The following ABRAXAS1 variants were observed in gnomAD, a reference collection of about 807,000 sequenced individuals.
ABRAXAS1 encodes abraxas 1, BRCA1 A complex subunit, also known as BRCA1-A complex subunit Abraxas 1.
ABRAXAS1 carries 26 observed loss-of-function variants against 38.4 expected under a neutral mutation model. That is an observed-to-expected ratio of 0.68 (90% CI 0.50 to 0.94). The LOEUF is 0.94. Ranked by LOEUF, ABRAXAS1 falls within the 40% of genes least tolerant of loss-of-function variation. The pLI, the probability that ABRAXAS1 is intolerant of heterozygous loss-of-function variation, is 0.00. For missense variants in ABRAXAS1, 438 were observed against 481.9 expected, an observed-to-expected ratio of 0.91 and a Z score of 0.85; for synonymous variants, 144 against 165.5, an observed-to-expected ratio of 0.87 and a Z score of 1.00.
chr4:83,478,588 T>C (rs951861088), intron 2 of ABRAXAS1, among the ~76,000 whole-genome samples: 1 of 152,244 alleles, frequency 6.6e-6, no homozygotes, highest in African/African-American at 2.4e-5. Context: ...AAGTTATTTA[T>C]ATGTTTGTGT....
intron 5 of ABRAXAS1, 110 bp downstream of exon 5, chr4:83,470,093 A>T (rs1722523387): frequency 2.1e-5 from 16 of 745,310 alleles, no homozygotes; most frequent in Non-Finnish European, 3.3e-5. Flanking sequence ...GGTTATCGTG[A>T]CAATCTGATG....
At chr4:83,471,189 ATCTT>A (rs1722571529) in intron 4 of ABRAXAS1, among the ~76,000 whole-genome samples, 1 of 124,148 alleles carries the variant, frequency 8.1e-6, no homozygotes, top group African/African-American at 3.1e-5. Context: ...TGAAAGAAAC[ATCTT>A]TTTTTTTTTT....
chr4:83,472,097 A>T (rs938604295), intron 4 of ABRAXAS1, 125 bp downstream of exon 4: 5 of 487,360 alleles, frequency 1.0e-5, no homozygotes, highest in East Asian at 3.8e-5. Context: ...ACCTTTTCTT[A>T]CTTACTTTAC....
intron 2 of ABRAXAS1, chr4:83,479,492 A>C (rs1014169026): frequency 6.6e-6 from 1 of 152,088 alleles, no homozygotes; most frequent in Non-Finnish European, 1.5e-5. Context: ...TCCAAAAGGC[A>C]ATCAGCTAGT....
At chr4:83,477,003 C>T (rs1391696351) in intron 2 of ABRAXAS1, among the ~76,000 whole-genome samples, 1 of 152,168 alleles carries the variant, frequency 6.6e-6, no homozygotes, top group Non-Finnish European at 1.5e-5. Context: ...AAAGTTGTCA[C>T]ATTTTCACCG....
chr4:83,473,889 T>C (rs1722673432), intron 3 of ABRAXAS1, among the ~76,000 whole-genome samples: 1 of 151,048 alleles, frequency 6.6e-6, no homozygotes, highest in African/African-American at 2.4e-5. Context: ...CCCAGCACTT[T>C]GGGAGGCTGA....
chr4:83,460,103 T>C lies in ABRAXAS1; in HGVS notation c.*2366A>G, dbSNP rs147484394. ...CTTGGTGTCAGCAAACTATGGCCCA[T>C]AGGCCAAATTCGACCTGCTCCCTTT... On this transcript the variant is annotated 3_prime_UTR_variant, in exon 9 of 9. Transcript: ENST00000321945. 0.011 allele frequency: 2,209 copies of C among 202,262 alleles called. 22 individuals are homozygous for C. The highest frequency in any genetic ancestry group is 0.024 in the Middle Eastern group (15 of 614). 12.5% of individuals were successfully genotyped at this position (202,262 alleles called of 1,614,324 possible).
intron 3 of ABRAXAS1, among the ~76,000 whole-genome samples, chr4:83,472,847 T>C (rs1050189845): frequency 6.6e-6 from 1 of 152,210 alleles, no homozygotes; most frequent in Non-Finnish European, 1.5e-5. Flanking sequence ...AATTAAAAGA[T>C]AATTCCAAGT....
At chr4:83,481,416 C>G (rs1235904975) in intron 2 of ABRAXAS1, among the ~76,000 whole-genome samples, 1 of 152,194 alleles carries the variant, frequency 6.6e-6, no homozygotes, top group Non-Finnish European at 1.5e-5. Flanking sequence ...GCACCCACTC[C>G]TCAAACCCTT....
At chr4:83,482,865 G>A (rs76919535) in intron 1 of ABRAXAS1, among the ~76,000 whole-genome samples, 346 of 152,240 alleles carry the variant, frequency 2.3e-3, no homozygotes, top group African/African-American at 8.1e-3. Flanking sequence ...ATGAAGCACT[G>A]GGCACACTTG....
chr4:83,475,155 G>C lies in ABRAXAS1; in HGVS notation c.215+1488C>G, dbSNP rs936564867. On this transcript the variant is annotated intron_variant, in intron 3 of 8. Coordinates refer to ENST00000321945, the MANE Select transcript of ABRAXAS1 (RefSeq NM_139076.3). Reference sequence around the variant, plus strand: ...AAAAGGTACTGAATCACTTTTTGCTGTTCCTTTAAATCCTTTGTTGGTCCA... The same window carrying C: ...AAAAGGTACTGAATCACTTTTTGCTCTTCCTTTAAATCCTTTGTTGGTCCA... 3.9e-4 allele frequency among the ~76,000 whole-genome samples: 59 copies of C among 152,084 alleles called. 1 individual carries two copies. Among genetic ancestry groups the C allele is most frequent in the African/African-American group, 1.3e-3 (55 of 41,420 alleles).
At chr4:83,468,315 A>G (rs913204711) in intron 6 of ABRAXAS1, among the ~76,000 whole-genome samples, 5 of 151,672 alleles carry the variant, frequency 3.3e-5, no homozygotes, top group Non-Finnish European at 7.4e-5. Flanking sequence ...TTAAAAGAAA[A>G]AAAAAAAAAA....
intron 1 of ABRAXAS1, 43 bp from the exon 2 acceptor site, chr4:83,482,287 T>C (rs2110049395): frequency 4.1e-6 from 5 of 1,222,194 alleles, no homozygotes; most frequent in East Asian, 2.4e-5. Flanking sequence ...ACTGATAGAA[T>C]TACTGTTCAC....
rs937998426 is a variant in ABRAXAS1 at position 83,484,299 on chromosome 4, G to A, written c.87+687C>T. The A allele has an allele frequency of 5.3e-6, 4 of 750,746 alleles. No homozygotes were observed. The African/African-American group carries it at 7.7e-5, about 14-fold the overall frequency. 46.5% of individuals were successfully genotyped at this position (750,746 alleles called of 1,614,324 possible). A position where few individuals can be genotyped will look rare whatever the true frequency, so the allele number is the denominator to read the frequency against. ...CAGGGAAGTGTATTTCAGATGCTTA[G>A]ACTTTCTTTCTGCAAGTTACTGAAA... On this transcript the variant is annotated intron_variant, in intron 1 of 8. Transcript: ENST00000321945.
At chr4:83,479,398 T>A (rs1462401516) in intron 2 of ABRAXAS1, 2 of 113,136 alleles carry the variant, frequency 1.8e-5, no homozygotes, top group Non-Finnish European at 1.7e-5. Context: ...AGTGAGACTC[T>A]GTTTCAAAAA....
chr4:83,484,642 C>T (rs1723114847), intron 1 of ABRAXAS1, among the ~76,000 whole-genome samples: 12 of 152,240 alleles, frequency 7.9e-5, no homozygotes, highest in Admixed American at 7.9e-4. Flanking sequence ...TTACCGCAGG[C>T]TCCGCAGAGC....
chr4:83,472,631 A>G (rs1009128762), intron 3 of ABRAXAS1, among the ~76,000 whole-genome samples: 1 of 152,208 alleles, frequency 6.6e-6, no homozygotes, highest in African/African-American at 2.4e-5. Flanking sequence ...CAGTTTACTC[A>G]TTTATATTTT....
rs1308163440 is a variant in ABRAXAS1, at chr4:83,485,064, C to G, written c.9G>C (p.Gly3=). 6.3e-7 allele frequency: 1 copy of G among 1,588,404 alleles called. No homozygotes were observed. The highest frequency in any genetic ancestry group is 1.1e-5 in the South Asian group (1 of 88,446). ME[G]ESTSAVLSGF... ...CCGAGAGCACCGCCGACGTACTCTC[C>G]CCCTCCATGCTACCGCCGCCTCAGG... Residue 3 remains glycine, a synonymous_variant, in exon 1 of 9, where the codon GGG becomes GGC. Transcript: ENST00000321945.
intron 2 of ABRAXAS1, among the ~76,000 whole-genome samples, chr4:83,477,026 G>C (rs955121348): frequency 6.6e-6 from 1 of 152,158 alleles, no homozygotes; most frequent in East Asian, 1.9e-4. Context: ...TTCTAAAAAG[G>C]CTGTGCTCTA....
Sources: gnomAD v4.1 joint callset for allele counts (sites outside exome capture counted in the v4.1 genomes callset) on GRCh38, gnomAD v4.1.1 for gene constraint, MANE v1.5 for transcripts, NCBI Gene and HGNC (gene_info 2026-07-23, HGNC 2026-07-21) for gene names.